Variants in PIP5K1B observed in about 807,000 individuals in gnomAD.
The protein encoded by PIP5K1B is phosphatidylinositol 4-phosphate 5-kinase type-1 beta.
A neutral mutation model predicts 67.0 loss-of-function variants in PIP5K1B; 42 were observed. The ratio of observed to expected loss-of-function variants is 0.63; its 90% CI spans 0.49 to 0.81. The LOEUF (loss-of-function observed/expected upper bound fraction) is 0.81, where lower values mean the gene tolerates loss of function less well. Ranked by LOEUF, PIP5K1B falls within the 30% of genes least tolerant of loss-of-function variation. PIP5K1B has a pLI of 0.00. For missense variants in PIP5K1B, 459 were observed against 646.3 expected (o/e 0.71, Z 3.14); for synonymous variants, 214 against 231.4 (o/e 0.92, Z 0.68).
intron 2 of PIP5K1B, among the ~76,000 whole-genome samples, chr9:68,748,050 A>G (rs1829411100): frequency 6.6e-6 from 1 of 151,958 alleles, no homozygotes; most frequent in Non-Finnish European, 1.5e-5. Context: ...CCCATTCCCT[A>G]CTCCCTGTAG....
intron 14 of PIP5K1B, among the ~76,000 whole-genome samples, chr9:68,988,579 A>C (rs1313074522): frequency 6.6e-6 from 1 of 151,086 alleles, no homozygotes; most frequent in Non-Finnish European, 1.5e-5. Flanking sequence ...CCTCCTGAGT[A>C]GCTGGGATTA....
intron 4 of PIP5K1B, among the ~76,000 whole-genome samples, chr9:68,837,614 T>TTTG (rs199863646): frequency 3.4e-4 from 45 of 131,562 alleles, no homozygotes; most frequent in East Asian, 9.1e-4. Flanking sequence ...TGTGTTTTTT[T>TTTG]TTTTTTTTTT....
intron 1 of PIP5K1B, among the ~76,000 whole-genome samples, chr9:68,731,804 A>G (rs1469825677): frequency 2.6e-5 from 4 of 152,252 alleles, no homozygotes; most frequent in East Asian, 3.8e-4. Context: ...AATGCATACT[A>G]GGAAAATACT....
intron 2 of PIP5K1B, among the ~76,000 whole-genome samples, chr9:68,811,466 G>A (rs564184451): frequency 1.3e-5 from 2 of 152,174 alleles, no homozygotes; most frequent in African/African-American, 2.4e-5. Context: ...AGAAAAACCA[G>A]GATGTTCTCC....
intron 2 of PIP5K1B, among the ~76,000 whole-genome samples, chr9:68,803,988 G>A (rs1053906845): frequency 5.9e-5 from 9 of 152,172 alleles, no homozygotes; most frequent in African/African-American, 2.2e-4. Context: ...GAAGCAATGA[G>A]GAATCCACCT....
At chr9:68,943,424 G>C (rs1827655755) in intron 14 of PIP5K1B, among the ~76,000 whole-genome samples, 1 of 152,100 alleles carries the variant, frequency 6.6e-6, no homozygotes, top group African/African-American at 2.4e-5. Context: ...GAACTCCCAG[G>C]AGTCAATATC....
intron 14 of PIP5K1B, among the ~76,000 whole-genome samples, chr9:68,946,596 G>C (rs1258084712): frequency 6.6e-6 from 1 of 151,734 alleles, no homozygotes; most frequent in Non-Finnish European, 1.5e-5. Flanking sequence ...GGGTTTCAAC[G>C]TGTTAGCCAG....
chr9:68,965,260 A>G (rs1828961799), intron 14 of PIP5K1B, among the ~76,000 whole-genome samples: 3 of 152,324 alleles, frequency 2.0e-5, no homozygotes, highest in Middle Eastern at 3.4e-3. Context: ...TACATATTCT[A>G]TGACTCAATT....
intron 2 of PIP5K1B, chr9:68,780,266 G>A (rs747188091): frequency 2.5e-6 from 4 of 1,570,086 alleles, no homozygotes; most frequent in African/African-American, 2.7e-5. Flanking sequence ...GCCTCAGGAG[G>A]TCTAACAGCG....
At position 68,876,206 on chromosome 9, in the gene PIP5K1B, C is replaced by T. The variant is rs1469464299; in HGVS notation, c.201-471C>T. ...AAATAAAAGAGTTCAGATTGGGGTC[C>T]TATTCCATGTGATGGTTCTCTCTGT... On this transcript the variant is annotated intron_variant, in intron 5 of 15. Transcript: ENST00000265382. Among the ~76,000 whole-genome samples the T allele has an allele frequency of 2.0e-5, 3 of 152,094 alleles. No individual in the cohort carries two copies. The East Asian group carries it at 5.8e-4, about 29-fold the overall frequency.
chr9:68,763,700 A>G (rs1830293282), intron 2 of PIP5K1B, among the ~76,000 whole-genome samples: 1 of 152,198 alleles, frequency 6.6e-6, no homozygotes, highest in Admixed American at 6.5e-5. Flanking sequence ...ATACTACTTG[A>G]AATCATTTAG....
intron 2 of PIP5K1B, among the ~76,000 whole-genome samples, chr9:68,749,452 T>G (rs1235564684): frequency 6.6e-6 from 1 of 152,112 alleles, no homozygotes; most frequent in Non-Finnish European, 1.5e-5. Context: ...CCAGTGACAT[T>G]GGTTTTGGAC....
chr9:68,941,481 C>T (rs1408678914), intron 14 of PIP5K1B, among the ~76,000 whole-genome samples: 1 of 152,162 alleles, frequency 6.6e-6, no homozygotes, highest in Non-Finnish European at 1.5e-5. Context: ...CAAAATATCT[C>T]ATGTAACCTA....
intron 2 of PIP5K1B, among the ~76,000 whole-genome samples, chr9:68,798,759 G>T (rs918705343): frequency 6.6e-6 from 1 of 152,214 alleles, no homozygotes; most frequent in Non-Finnish European, 1.5e-5. Flanking sequence ...AACCTGAACT[G>T]ATTTCTTTTT....
In PIP5K1B at chr9:69,008,573, C is replaced by A; in HGVS notation, c.*124C>A. On this transcript the variant is annotated 3_prime_UTR_variant, in exon 16 of 16. Coordinates refer to ENST00000265382, the MANE Select transcript of PIP5K1B (RefSeq NM_003558.4). ...GCCCCACTACACACAGAGAAATCAT[C>A]AACCTGACTTAAGAGTTTTCAAGAT... 2.2e-6 allele frequency: 2 copies of A among 929,032 alleles called. No individual in the cohort carries two copies. The highest frequency in any genetic ancestry group is 1.3e-5 in the South Asian group (1 of 75,500). The allele number at this position is 929,032 out of a possible 1,614,324, so 57.5% of individuals were successfully genotyped here.
chr9:68,850,465 G>C, intron 4 of PIP5K1B, among the ~76,000 whole-genome samples: 1 of 152,206 alleles, frequency 6.6e-6, no homozygotes, highest in South Asian at 2.1e-4. Flanking sequence ...AGTGCTAGGA[G>C]CACTGCCCAG....
At chr9:68,742,884 C>A (rs1250927112) in intron 2 of PIP5K1B, among the ~76,000 whole-genome samples, 1 of 152,174 alleles carries the variant, frequency 6.6e-6, no homozygotes, top group Non-Finnish European at 1.5e-5. Context: ...CAAATAAACA[C>A]ACTCAAAATG....
Position 68,789,106 on chromosome 9 carries a change from C to T in PIP5K1B, c.-85-29355C>T, listed in dbSNP as rs1315132771. 5.5e-5 allele frequency: 31 copies of T among 568,404 alleles called. No individual in the cohort carries two copies. The East Asian group carries it at 1.2e-3, about 22-fold the overall frequency. 35.2% of individuals were successfully genotyped at this position (568,404 alleles called of 1,614,324 possible). A position where few individuals can be genotyped will look rare whatever the true frequency, so the allele number is the denominator to read the frequency against. ...GATTTATCAATAATGGCATCAATCTCTTCAATCACATCAAAATAGGCCTCA... is the reference window on the plus strand; with the variant it reads ...GATTTATCAATAATGGCATCAATCTTTTCAATCACATCAAAATAGGCCTCA... On this transcript the variant is annotated intron_variant, in intron 2 of 15. Transcript: ENST00000265382.
intron 4 of PIP5K1B, among the ~76,000 whole-genome samples, chr9:68,862,822 A>AAT (rs10573796): frequency 7.3e-4 from 105 of 144,420 alleles, no homozygotes; most frequent in Admixed American, 1.0e-3. Context: ...TAAATAAATA[A>AAT]ATATATATAT....
Sources: allele counts gnomAD v4.1 joint callset (sites outside exome capture counted in the v4.1 genomes callset), GRCh38; gene constraint gnomAD v4.1.1; transcripts MANE v1.5; gene names NCBI Gene and HGNC (gene_info 2026-07-23, HGNC 2026-07-21).